Variants in RORB observed in about 807,000 individuals in gnomAD.
RORB encodes nuclear receptor ROR-beta.
A neutral mutation model predicts 59.1 loss-of-function variants in RORB; 6 were observed. The ratio of observed to expected loss-of-function variants is 0.10; its 90% CI spans 0.06 to 0.20. The LOEUF is 0.20. RORB is among the 10% of genes least tolerant of loss of function. RORB has a pLI of 1.00. For missense variants in RORB, 320 were observed against 560.5 expected (o/e 0.57, Z 4.33); for synonymous variants, 215 against 204.5 (o/e 1.05, Z -0.44).
chr9:74,536,945 C>T (rs1038578647), intron 1 of RORB, among the ~76,000 whole-genome samples: 1 of 152,000 alleles, frequency 6.6e-6, no homozygotes, highest in Non-Finnish European at 1.5e-5. Flanking sequence ...ATTAATATCG[C>T]ACTTTTATTC....
intron 9 of RORB, among the ~76,000 whole-genome samples, chr9:74,680,319 G>A (rs1427940123): frequency 2.6e-5 from 4 of 152,180 alleles, no homozygotes; most frequent in Non-Finnish European, 4.4e-5. Context: ...GTCCCTGTAG[G>A]TATCTACTTC....
intron 3 of RORB, among the ~76,000 whole-genome samples, chr9:74,636,089 A>G (rs1823697942): frequency 6.6e-6 from 1 of 151,886 alleles, no homozygotes; most frequent in South Asian, 2.1e-4. Flanking sequence ...TACTTGGCTC[A>G]CTAACCAGAT....
At chr9:74,673,174 A>G (rs1402488365) in intron 9 of RORB, among the ~76,000 whole-genome samples, 1 of 152,204 alleles carries the variant, frequency 6.6e-6, no homozygotes, top group East Asian at 1.9e-4. Flanking sequence ...GCGAACTTCA[A>G]CATGCTTTCA....
At chr9:74,654,084 G>C (rs1420903845) in intron 4 of RORB, among the ~76,000 whole-genome samples, 1 of 152,144 alleles carries the variant, frequency 6.6e-6, no homozygotes, top group African/African-American at 2.4e-5. Context: ...CAATATGTAA[G>C]AGAAGTTATT....
chr9:74,606,245 A>G (rs540030874), intron 1 of RORB, among the ~76,000 whole-genome samples: 2 of 152,250 alleles, frequency 1.3e-5, no homozygotes, highest in Non-Finnish European at 2.9e-5. Context: ...GAAAATGAAG[A>G]CAATGAATGG....
intron 1 of RORB, among the ~76,000 whole-genome samples, chr9:74,512,041 AAAG>A (rs1301296103): frequency 6.6e-6 from 1 of 152,166 alleles, no homozygotes; most frequent in Non-Finnish European, 1.5e-5. Flanking sequence ...ATCATTGAGA[AAAG>A]AAGAATTCTG....
intron 1 of RORB, among the ~76,000 whole-genome samples, chr9:74,588,319 G>T (rs1822837685): frequency 6.6e-6 from 1 of 152,126 alleles, no homozygotes; most frequent in African/African-American, 2.4e-5. Context: ...AAGACATCTG[G>T]AATATGTAGA....
At chr9:74,601,064 T>C (rs937857429) in intron 1 of RORB, among the ~76,000 whole-genome samples, 1 of 152,092 alleles carries the variant, frequency 6.6e-6, no homozygotes, top group African/African-American at 2.4e-5. Flanking sequence ...ACACTCAATG[T>C]CAGTAAGAGG....
chr9:74,590,477 G>A (rs948956431), intron 1 of RORB, among the ~76,000 whole-genome samples: 5 of 152,150 alleles, frequency 3.3e-5, no homozygotes, highest in African/African-American at 1.2e-4. Context: ...CATATTGTGT[G>A]GCTTGAAGAA....
chr9:74,652,298 G>A (rs1223898443), intron 4 of RORB, among the ~76,000 whole-genome samples: 1 of 152,014 alleles, frequency 6.6e-6, no homozygotes, highest in East Asian at 1.9e-4. Flanking sequence ...GTCCCAGCTA[G>A]TTGCACGACT....
chr9:74,537,887 G>C (rs531853454), intron 1 of RORB, among the ~76,000 whole-genome samples: 1 of 152,100 alleles, frequency 6.6e-6, no homozygotes, highest in South Asian at 2.1e-4. Flanking sequence ...TAAGTGTAAA[G>C]TGTTTAGGAA....
chr9:74,659,481 C>CTTGTT (rs139924184), intron 4 of RORB, among the ~76,000 whole-genome samples: 6,920 of 151,954 alleles, frequency 0.046, 411 homozygotes, highest in East Asian at 0.33. Context: ...TCACAGCAGG[C>CTTGTT]TTGTTTTGTT....
At chr9:74,631,825 T>C (rs1035781140) in intron 2 of RORB, among the ~76,000 whole-genome samples, 1 of 152,146 alleles carries the variant, frequency 6.6e-6, no homozygotes, top group Non-Finnish European at 1.5e-5. Flanking sequence ...ATTTTTCAAC[T>C]CATCAAGAAT....
intron 9 of RORB, among the ~76,000 whole-genome samples, chr9:74,679,029 C>G (rs1224212395): frequency 1.8e-5 from 2 of 110,958 alleles, no homozygotes; most frequent in South Asian, 2.6e-4. Flanking sequence ...AAGACTCTGT[C>G]TCAAAAAAAA....
intron 4 of RORB, among the ~76,000 whole-genome samples, chr9:74,651,491 C>T (rs1317949874): frequency 6.6e-6 from 1 of 151,368 alleles, no homozygotes; most frequent in Non-Finnish European, 1.5e-5. Flanking sequence ...GCCAAGATTG[C>T]ACCACTGCAC....
intron 1 of RORB, among the ~76,000 whole-genome samples, chr9:74,513,563 A>C (rs182099386): frequency 2.8e-4 from 43 of 152,162 alleles, no homozygotes; most frequent in African/African-American, 1.0e-3. Flanking sequence ...AGAGAAAAAA[A>C]TGGTTAAGTC....
intron 1 of RORB, among the ~76,000 whole-genome samples, chr9:74,539,389 C>T (rs1403193670): frequency 6.6e-6 from 1 of 152,092 alleles, no homozygotes; most frequent in East Asian, 1.9e-4. Context: ...TAAAAATGAG[C>T]GCACAGCTTT....
Position 74,642,406 on chromosome 9 carries a change from C to A in RORB, c.236-8C>A. ...AAGTGCTGTTTTCTGCTTTTCTCTC[C>A]AACCCAGCTGTGAAGTTTGGGAGGA... On this transcript the variant is annotated splice_region_variant and splice_polypyrimidine_tract_variant and intron_variant, in intron 3 of 9. Coordinates refer to ENST00000376896, the MANE Select transcript of RORB (RefSeq NM_006914.4). 6.3e-7 allele frequency: 1 copy of A among 1,598,840 alleles called. No homozygotes were observed. Among genetic ancestry groups the A allele is most frequent in the South Asian group, 1.1e-5 (1 of 88,950 alleles).
intron 1 of RORB, among the ~76,000 whole-genome samples, chr9:74,629,159 C>G (rs1332366978): frequency 1.3e-5 from 2 of 151,676 alleles, no homozygotes; most frequent in African/African-American, 4.8e-5. Context: ...TTACATCTTC[C>G]TCTCCATTTA....
Sources: gnomAD v4.1 joint callset for allele counts (sites outside exome capture counted in the v4.1 genomes callset) on GRCh38, gnomAD v4.1.1 for gene constraint, MANE v1.5 for transcripts, NCBI Gene and HGNC (gene_info 2026-07-23, HGNC 2026-07-21) for gene names.